The following PCDHGA7 variants were observed in gnomAD, a reference collection of about 807,000 sequenced individuals.
PCDHGA7 encodes the protein protocadherin gamma subfamily A, 7.
Under a neutral mutation model 58.3 loss-of-function variants are expected in PCDHGA7, and 44 were observed. The ratio of observed to expected loss-of-function variants is 0.75; its 90% confidence interval spans 0.59 to 0.97. PCDHGA7 has a LOEUF of 0.97. Ranked by LOEUF, PCDHGA7 falls within the 50% of genes least tolerant of loss-of-function variation. PCDHGA7 has a pLI of 0.00. For synonymous variants in PCDHGA7, 516 were observed against 504.2 expected, an observed-to-expected ratio of 1.02 and a Z score of -0.31; for missense variants, 1,266 against 1,188.7, an observed-to-expected ratio of 1.06 and a Z score of -0.96.
In PCDHGA7 at chr5:141,394,620, T is replaced by C. The variant is rs775736772; in HGVS notation, c.2424+9297T>C. The C allele has an allele frequency of 8.1e-6, 13 of 1,613,124 alleles. 1 individual carries two copies. In the South Asian group the frequency reaches 1.4e-4, roughly 18 times the overall value. ...GGACAGAGACTCGGGCCAGAACGCC[T>C]GGCTGTCCTACCGCCTGCTCAAGGC... On this transcript the variant is annotated intron_variant, in intron 1 of 3. Coordinates refer to ENST00000518325, the MANE Select transcript of PCDHGA7 (RefSeq NM_018920.4).
At chr5:141,474,803 T>C (rs1383027398) in intron 1 of PCDHGA7, among the ~76,000 whole-genome samples, 1 of 152,250 alleles carries the variant, frequency 6.6e-6, no homozygotes, top group Non-Finnish European at 1.5e-5. Context: ...ATGGAGTGGT[T>C]TGCATCATTA....
At chr5:141,440,115 A>G (rs921555018) in intron 1 of PCDHGA7, 4 of 152,250 alleles carry the variant, frequency 2.6e-5, no homozygotes, top group African/African-American at 4.8e-5. Flanking sequence ...TTACTTGTGA[A>G]TGACTGAATG....
chr5:141,398,472 C>T (rs2093659150), intron 1 of PCDHGA7: 1 of 1,606,348 alleles, frequency 6.2e-7, no homozygotes, highest in Non-Finnish European at 8.5e-7. Context: ...ATCCACTGAA[C>T]TTTTATCACG....
rs978973236 is a variant in PCDHGA7, at chr5:141,399,545, C to G, written c.2424+14222C>G. 8 of 1,614,050 alleles carry G rather than the reference C, an allele frequency of 5.0e-6. No homozygotes were observed. In the South Asian group the frequency reaches 6.6e-5, roughly 13 times the overall value. ...GCCTCCATCGCGCAAGTCTGCGCCT[C>G]GGACCTGGACTTGGGGTTGAACGGC... On this transcript the variant is annotated intron_variant, in intron 1 of 3. Transcript: ENST00000518325.
chr5:141,441,835 G>A (rs1423189098), intron 1 of PCDHGA7: 9 of 353,636 alleles, frequency 2.5e-5, no homozygotes, highest in Admixed American at 2.1e-4. Flanking sequence ...CAATGGCTTC[G>A]CGCTCTTGGA....
Position 141,511,348 on chromosome 5 carries a change from C to T in PCDHGA7, c.*175C>T. Reference sequence around the variant, plus strand: ...TGCCCAGTCAGCACCTACCCCTTCCCCCCCAGGGGGTTGAATATGCAAAAG... The same window carrying T: ...TGCCCAGTCAGCACCTACCCCTTCCTCCCCAGGGGGTTGAATATGCAAAAG... On this transcript the variant is annotated 3_prime_UTR_variant, in exon 4 of 4. Transcript: ENST00000518325. The T allele has an allele frequency of 7.1e-7, 1 of 1,404,104 alleles. No homozygotes were observed. The highest frequency in any genetic ancestry group is 9.5e-7 in the Non-Finnish European group (1 of 1,056,554). 87.0% of individuals were successfully genotyped at this position (1,404,104 alleles called of 1,614,324 possible). A position where few individuals can be genotyped will look rare whatever the true frequency, so the allele number is the denominator to read the frequency against.
At chr5:141,404,384 G>C in intron 1 of PCDHGA7, 9 of 1,613,904 alleles carry the variant, frequency 5.6e-6, no homozygotes, top group African/African-American at 1.3e-5. Context: ...GATTGCCTAT[G>C]ACCCTGATAG....
chr5:141,404,594 T>C (rs778412256), intron 1 of PCDHGA7: 6 of 1,614,050 alleles, frequency 3.7e-6, no homozygotes, highest in South Asian at 1.1e-5. Flanking sequence ...CAATGTGTCA[T>C]TGAGACTGTT....
intron 1 of PCDHGA7, chr5:141,419,831 G>C: frequency 1.9e-6 from 3 of 1,614,048 alleles, no homozygotes; most frequent in Non-Finnish European, 2.5e-6. Context: ...TTCAGCCACT[G>C]CCACGCTGCA....
rs367578838 is a variant in PCDHGA7, at chr5:141,432,537, C to A, written c.2424+47214C>A. The A allele has an allele frequency of 5.0e-6, 8 of 1,613,882 alleles. No individual in the cohort carries two copies. Among genetic ancestry groups the A allele is most frequent in the African/African-American group, 1.3e-5 (1 of 74,922 alleles). Reference sequence around the variant, plus strand: ...GGCTACCTGGTGACCAAGGTGGTGGCGGTGGACAGAGACTCCGGCCAGAAC... The same window carrying A: ...GGCTACCTGGTGACCAAGGTGGTGGAGGTGGACAGAGACTCCGGCCAGAAC... On this transcript the variant is annotated intron_variant, in intron 1 of 3. Coordinates refer to ENST00000518325, the MANE Select transcript of PCDHGA7 (RefSeq NM_018920.4). This position sits in a 1 kb window ranked among gnomAD's most constrained non-coding sequence, Gnocchi z 6.0.
At position 141,423,488 on chromosome 5, in the gene PCDHGA7, A is replaced by G. The variant is rs141810253; in HGVS notation, c.2424+38165A>G. The G allele has an allele frequency of 9.2e-4, 1,481 of 1,613,946 alleles. 7 individuals carry two copies. The highest frequency in any genetic ancestry group is 3.0e-3 in the Middle Eastern group (18 of 6,062). On this transcript the variant is annotated intron_variant, in intron 1 of 3. Transcript: ENST00000518325. The stretch of plus-strand genomic sequence containing the variant: ...GGGGTACAGGCTTTCCTGCAAACCT[A>G]TTCCCACGAGGTCTCTCTCATTGCG...
intron 1 of PCDHGA7, chr5:141,421,364 T>C (rs975166167): frequency 3.7e-6 from 6 of 1,613,994 alleles, no homozygotes; most frequent in African/African-American, 1.3e-5. Context: ...GGCTCCTTCG[T>C]GGGCAATATC....
At chr5:141,502,767 C>T (rs970206343) in intron 2 of PCDHGA7, among the ~76,000 whole-genome samples, 1 of 151,756 alleles carries the variant, frequency 6.6e-6, no homozygotes, top group East Asian at 1.9e-4. Flanking sequence ...TGCTGGTATT[C>T]TTCTGAAAAT....
At chr5:141,427,067 G>A (rs1170378664) in intron 1 of PCDHGA7, 1 of 457,930 alleles carries the variant, frequency 2.2e-6, no homozygotes, top group Non-Finnish European at 4.4e-6. Context: ...CTGTACTAAA[G>A]GTGACAGCCA....
intron 1 of PCDHGA7, among the ~76,000 whole-genome samples, chr5:141,445,318 G>T (rs182520609): frequency 2.0e-4 from 30 of 152,306 alleles, no homozygotes; most frequent in African/African-American, 7.2e-4. Context: ...TAGGTTGAGA[G>T]AACCCATCCA....
chr5:141,428,106 C>T, intron 1 of PCDHGA7: 1 of 1,608,152 alleles, frequency 6.2e-7, no homozygotes. Context: ...CCACGTGCTG[C>T]AGGCCATCGA....
At chr5:141,418,654 G>C (rs2096278227) in intron 1 of PCDHGA7, 1 of 1,614,016 alleles carries the variant, frequency 6.2e-7, no homozygotes, top group African/African-American at 1.3e-5. Context: ...TGAGAGTGAA[G>C]GCCACTGACC....
At chr5:141,423,694 T>A in intron 1 of PCDHGA7, 1 of 1,501,554 alleles carries the variant, frequency 6.7e-7, no homozygotes, top group Non-Finnish European at 8.9e-7. Context: ...TAATTGTTGG[T>A]GTCTTGGCAC....
chr5:141,487,029 T>C lies in PCDHGA7; in HGVS notation c.2425-7778T>C. 1.2e-6 allele frequency: 2 copies of C among 1,614,226 alleles called. No individual in the cohort carries two copies. Among genetic ancestry groups the C allele is most frequent in the Non-Finnish European group, 1.7e-6 (2 of 1,180,040 alleles). ...CTGGAGGCCCCAGATCCCAGCCTGT[T>C]TGCAGTCTCTCGATATGCTGGGGAG... is the stretch of plus-strand genomic sequence containing the variant. On this transcript the variant is annotated intron_variant, in intron 1 of 3. Coordinates refer to ENST00000518325, the MANE Select transcript of PCDHGA7 (RefSeq NM_018920.4). The surrounding 1 kb of genome is among the most constrained non-coding windows in gnomAD (Gnocchi z 5.0).
Sources: allele counts gnomAD v4.1 joint callset (sites outside exome capture counted in the v4.1 genomes callset), GRCh38; gene constraint gnomAD v4.1.1; non-coding constraint Gnocchi (gnomAD v3.1); transcripts MANE v1.5; gene names NCBI Gene and HGNC (gene_info 2026-07-23, HGNC 2026-07-21).